The following PIK3C2A variants were observed in gnomAD, a reference collection of about 807,000 sequenced individuals.
PIK3C2A encodes the protein phosphatidylinositol-4-phosphate 3-kinase catalytic subunit type 2 alpha, also known as phosphatidylinositol 4-phosphate 3-kinase C2 domain-containing subunit alpha.
PIK3C2A carries 97 observed loss-of-function variants against 204.5 expected under a neutral mutation model. That is an observed-to-expected ratio of 0.47 (90% confidence interval 0.40 to 0.56). PIK3C2A has a LOEUF of 0.56. PIK3C2A is among the 20% of genes least tolerant of loss of function. The pLI is 0.00. For synonymous variants in PIK3C2A, 653 were observed against 664.4 expected (o/e 0.98, Z 0.26); for missense variants, 1,735 against 1,969.2 (o/e 0.88, Z 2.25).
chr11:17,119,924 A>G lies in PIK3C2A; in HGVS notation c.2708T>C (p.Phe903Ser), dbSNP rs1276725555. 6.2e-7 allele frequency: 1 copy of G among 1,608,726 alleles called. No homozygotes were observed. The highest frequency in any genetic ancestry group is 8.5e-7 in the Non-Finnish European group (1 of 1,176,410). The part of the protein sequence containing the change: ...AFLWEKRYYC[F>S]KHPNCLPKIL... ...TTTAGGAAGACAATTTGGGTGTTTG[A>G]AGCAATAATAACGTTTCTCCCATAA... Residue 903 changes from phenylalanine (F) to serine (S), a missense_variant, in exon 16 of 33, where the codon TTC becomes TCC. Transcript: ENST00000691414.
chr11:17,155,546 A>G lies in PIK3C2A; in HGVS notation c.1149T>C (p.Ala383=). Residue 383 remains alanine, a synonymous_variant, in exon 3 of 33, where the codon GCT becomes GCC. Transcript: ENST00000691414. ...CTTACTTTGTAATGGATCGACAAAA[A>G]GCTGCCATCTCCTCATTCTGTACTT... ...EVEVQNEEMA[A]FCRSITKLKT... is the part of the protein sequence containing the mutation. 6.3e-7 allele frequency: 1 copy of G among 1,596,324 alleles called. No homozygotes were observed. Among genetic ancestry groups the G allele is most frequent in the Non-Finnish European group, 8.6e-7 (1 of 1,166,282 alleles).
intron 22 of PIK3C2A, among the ~76,000 whole-genome samples, chr11:17,109,513 CTTTAT>C (rs1848930913): frequency 6.6e-6 from 1 of 152,128 alleles, no homozygotes; most frequent in African/African-American, 2.4e-5. Flanking sequence ...CTTTGTATGA[CTTTAT>C]TTTATAAAAA....
chr11:17,196,193 T>C (rs571650672), intron 1 of PIK3C2A, among the ~76,000 whole-genome samples: 2 of 152,270 alleles, frequency 1.3e-5, no homozygotes, highest in East Asian at 3.9e-4. Flanking sequence ...AAAATCTCCA[T>C]CTATCAATAA....
chr11:17,094,168 A>C, intron 28 of PIK3C2A, 93 bp downstream of exon 28: 1 of 867,040 alleles, frequency 1.2e-6, no homozygotes, highest in Non-Finnish European at 1.7e-6. Context: ...GGCCGATAAT[A>C]TCTTACTAAG....
Position 17,169,798 on chromosome 11 carries a change from T to G in PIK3C2A, c.-57A>C. 2 of 1,116,886 alleles carry G rather than the reference T, an allele frequency of 1.8e-6. No individual in the cohort carries two copies. The highest frequency in any genetic ancestry group is 2.6e-6 in the Non-Finnish European group (2 of 780,698). The allele number at this position is 1,116,886 out of a possible 1,614,324, so 69.2% of individuals were successfully genotyped here. A position where few individuals can be genotyped will look rare whatever the true frequency, so the allele number is the denominator to read the frequency against. ...TATTTTTTTCTTGTAGCTTCCAAAATAGCAAGGCCTATACATAAAAATAAA... is the reference window on the plus strand; with the variant it reads ...TATTTTTTTCTTGTAGCTTCCAAAAGAGCAAGGCCTATACATAAAAATAAA... On this transcript the variant is annotated 5_prime_UTR_variant, in exon 2 of 33. Transcript: ENST00000691414.
Position 17,129,356 on chromosome 11 carries a change from C to G in PIK3C2A, c.2343G>C (p.Gln781His), listed in dbSNP as rs1415835912. 1 of 1,613,890 alleles carries G rather than the reference C, an allele frequency of 6.2e-7. No homozygotes were observed. Among genetic ancestry groups the G allele is most frequent in the Admixed American group, 1.7e-5 (1 of 60,012 alleles). ...SSGSSPDSNKQRKGPEALGKV... is the reference protein window; with the variant it reads ...SSGSSPDSNKHRKGPEALGKV... ...TGCCCAAAGCTTCTGGTCCCTTTCT[C>G]TGCTTATTAGAATCAGGGGAACTTC... is the stretch of plus-strand genomic sequence containing the variant. The change falls in exon 13 of 33, where the codon CAG (glutamine) becomes CAC (histidine). Residue 781 changes from glutamine to histidine, a missense_variant. Gln to His is a conservative substitution (Grantham distance 24, BLOSUM62 0). Around this residue, in one of 6 missense-constraint regions of PIK3C2A, gnomAD observed 567 missense variants for 576.0 expected, o/e 0.98. Transcript: ENST00000691414.
chr11:17,107,837 G>C (rs1848876522), intron 22 of PIK3C2A, among the ~76,000 whole-genome samples: 1 of 152,170 alleles, frequency 6.6e-6, no homozygotes, highest in African/African-American at 2.4e-5. Flanking sequence ...TAGTAGTCTA[G>C]TTACATATGG....
At position 17,135,137 on chromosome 11, in the gene PIK3C2A, TCTC is replaced by T. The variant is rs1849829590; in HGVS notation, c.1868_1870del (p.Gly623del). On this transcript the variant is annotated inframe_deletion, in exon 10 of 33. Coordinates refer to ENST00000691414, the MANE Select transcript of PIK3C2A (RefSeq NM_002645.4). ...CCTAGTTGAACTCCTGCTAGTGTCT[TCTC>T]CTCCAAACAAAGAAGTCACCTACAC... 10 of 1,613,968 alleles carry T rather than the reference TCTC, an allele frequency of 6.2e-6. No homozygotes were observed. The highest frequency in any genetic ancestry group is 8.5e-6 in the Non-Finnish European group (10 of 1,179,970).
At chr11:17,150,340 T>C (rs555489397) in intron 4 of PIK3C2A, among the ~76,000 whole-genome samples, 158 bp downstream of exon 4, 13 of 152,344 alleles carry the variant, frequency 8.5e-5, no homozygotes, top group Non-Finnish European at 1.3e-4. Context: ...TTTATAAAGG[T>C]AACCTGATTC....
intron 1 of PIK3C2A, chr11:17,194,037 C>T (rs1591022221): frequency 2.6e-6 from 1 of 383,584 alleles, no homozygotes; most frequent in Non-Finnish European, 4.7e-6. Context: ...CTTTGGCAGG[C>T]CATCAGTCCA....
chr11:17,089,741 C>G lies in PIK3C2A; in HGVS notation c.5058G>C (p.Leu1686Phe), dbSNP rs142316561. 1.2e-5 allele frequency: 19 copies of G among 1,609,470 alleles called. No individual in the cohort carries two copies. In the South Asian group the frequency reaches 1.7e-4, roughly 14 times the overall value. Residue 1686 changes from leucine (L) to phenylalanine (F), a missense_variant, in exon 33 of 33, where the codon TTG becomes TTC. By Grantham distance (22) the Leu-to-Phe change is conservative (BLOSUM62 0). Transcript: ENST00000691414. ...KWYQLTAATY[L>F] Reference sequence around the variant, plus strand: ...CAAAGCTCAAACATTCACTAGTTTACAAGTATGTTGCCGCAGTCAGCTGAT... The same window carrying G: ...CAAAGCTCAAACATTCACTAGTTTAGAAGTATGTTGCCGCAGTCAGCTGAT...
At chr11:17,096,450 G>C (rs182223437) in intron 27 of PIK3C2A, among the ~76,000 whole-genome samples, 2 of 152,122 alleles carry the variant, frequency 1.3e-5, no homozygotes, top group Non-Finnish European at 2.9e-5. Flanking sequence ...TAAACTTAAA[G>C]GTAGTAGTAT....
At chr11:17,116,355 C>T (rs1372038142) in intron 19 of PIK3C2A, among the ~76,000 whole-genome samples, 1 of 152,028 alleles carries the variant, frequency 6.6e-6, no homozygotes, top group African/African-American at 2.4e-5. Flanking sequence ...TGCTTCACAC[C>T]CACTAGAATG....
chr11:17,125,998 C>A (rs1388557648), intron 13 of PIK3C2A, among the ~76,000 whole-genome samples: 1 of 151,970 alleles, frequency 6.6e-6, no homozygotes, highest in Admixed American at 6.6e-5. Flanking sequence ...GTAGCACACA[C>A]CTGTAATCTC....
chr11:17,145,572 C>A, intron 8 of PIK3C2A, 96 bp downstream of exon 8: 1 of 735,508 alleles, frequency 1.4e-6, no homozygotes, highest in South Asian at 1.7e-5. Context: ...TCTTAAAAGT[C>A]CTAAAATATT....
At chr11:17,166,298 A>G (rs1011106561) in intron 2 of PIK3C2A, among the ~76,000 whole-genome samples, 4 of 152,176 alleles carry the variant, frequency 2.6e-5, no homozygotes, top group Non-Finnish European at 4.4e-5. Context: ...AATAATAAAT[A>G]AAGAGTTCGG....
At chr11:17,180,260 C>T (rs1391141883) in intron 1 of PIK3C2A, among the ~76,000 whole-genome samples, 2 of 151,920 alleles carry the variant, frequency 1.3e-5, no homozygotes, top group Admixed American at 6.6e-5. Flanking sequence ...ACATGTTACT[C>T]GGGAGTCTGA....
chr11:17,195,514 G>A (rs1372810800), intron 1 of PIK3C2A, among the ~76,000 whole-genome samples: 1 of 150,944 alleles, frequency 6.6e-6, no homozygotes, highest in Non-Finnish European at 1.5e-5. Context: ...GAGGTCAAGA[G>A]TTCAAAACCA....
chr11:17,119,323 TA>T lies in PIK3C2A; in HGVS notation c.2847-11del. ...TTCCTGATCAGCAAATCTAGAAGAT[TA>T]CCATAAAACCAAGATTGGACAGTGA... On this transcript the variant is annotated splice_polypyrimidine_tract_variant and intron_variant, in intron 16 of 32. Coordinates refer to ENST00000691414, the MANE Select transcript of PIK3C2A (RefSeq NM_002645.4). The T allele has an allele frequency of 6.5e-7, 1 of 1,538,630 alleles. No individual in the cohort carries two copies. The highest frequency in any genetic ancestry group is 9.0e-7 in the Non-Finnish European group (1 of 1,113,138).
Sources: gnomAD v4.1 joint callset for allele counts (sites outside exome capture counted in the v4.1 genomes callset) on GRCh38, gnomAD v4.1.1 for gene constraint, gnomAD v4.1.1 regional missense constraint, MANE v1.5 for transcripts, NCBI Gene and HGNC (gene_info 2026-07-23, HGNC 2026-07-21) for gene names.